The following KAT2B variants were observed in gnomAD, a reference collection of about 807,000 sequenced individuals.
KAT2B encodes the protein histone acetyltransferase KAT2B.
KAT2B carries 36 observed loss-of-function variants against 105.9 expected under a neutral mutation model. The ratio of observed to expected loss-of-function variants is 0.34; its 90% CI spans 0.26 to 0.45. The LOEUF (loss-of-function observed/expected upper bound fraction) is 0.45, where lower values mean the gene tolerates loss of function less well. KAT2B is among the 20% of genes least tolerant of loss of function. The probability of loss-of-function intolerance (pLI) is 1.00; values close to 1 mark genes in which losing one functional copy is unlikely to be tolerated. For synonymous variants in KAT2B, 397 were observed against 377.9 expected, an observed-to-expected ratio of 1.05 and a Z score of -0.59; for missense variants, 820 against 1,021.6, an observed-to-expected ratio of 0.80 and a Z score of 2.69.
At chr3:20,120,355 G>T (rs1201785250) in intron 8 of KAT2B, among the ~76,000 whole-genome samples, 1 of 152,082 alleles carries the variant, frequency 6.6e-6, no homozygotes, top group East Asian at 1.9e-4. Context: ...AGTCTCCTGA[G>T]TAGCTGGGAT....
intron 6 of KAT2B, 62 bp from the exon 7 acceptor site, chr3:20,114,820 T>C (rs1699177963): frequency 2.3e-6 from 2 of 852,106 alleles, no homozygotes. Context: ...TCACAGATAA[T>C]TAGGGCTGTT....
At position 20,106,979 on chromosome 3, in the gene KAT2B, G is replaced by GTATATA. The variant is rs869172127; in HGVS notation, c.852-4585_852-4580dup. 3.6e-3 allele frequency among the ~76,000 whole-genome samples: 122 copies of GTATATA among 33,474 alleles called. 3 individuals are homozygous for GTATATA. Among genetic ancestry groups the GTATATA allele is most frequent in the Non-Finnish European group, 5.3e-3 (97 of 18,414 alleles). 22.0% of individuals were successfully genotyped at this position (33,474 alleles called of 152,430 possible). ...TTTATGTGTATATATATATATATAT[G>GTATATA]TATATATATATATATATATATATAT... On this transcript the variant is annotated intron_variant, in intron 5 of 17. Coordinates refer to ENST00000263754, the MANE Select transcript of KAT2B (RefSeq NM_003884.5).
chr3:20,097,147 C>T (rs570264235), intron 3 of KAT2B, among the ~76,000 whole-genome samples: 45 of 152,232 alleles, frequency 3.0e-4, no homozygotes, highest in Non-Finnish European at 5.6e-4. Flanking sequence ...GGAAAAAGAT[C>T]TTAGTTGAAG....
intron 1 of KAT2B, among the ~76,000 whole-genome samples, chr3:20,059,058 G>T (rs1459112719): frequency 6.6e-6 from 1 of 152,138 alleles, no homozygotes; most frequent in Non-Finnish European, 1.5e-5. Context: ...TTTCCAAAGA[G>T]AAAACTTCTG....
At chr3:20,047,711 C>G (rs1697839717) in intron 1 of KAT2B, among the ~76,000 whole-genome samples, 1 of 149,026 alleles carries the variant, frequency 6.7e-6, no homozygotes, top group African/African-American at 2.5e-5. Flanking sequence ...CTCCCGGGTT[C>G]AAGCAATTTG....
At position 20,148,397 on chromosome 3, in the gene KAT2B, C is replaced by A; in HGVS notation, c.2221-6C>A. 1 of 1,609,844 alleles carries A rather than the reference C, an allele frequency of 6.2e-7. No individual in the cohort carries two copies. Among genetic ancestry groups the A allele is most frequent in the Non-Finnish European group, 8.5e-7 (1 of 1,178,452 alleles). The stretch of plus-strand genomic sequence containing the variant: ...ATTAGATACCTTACTTTTTTCTTTA[C>A]CCAAGAGCCATCAAAGCGCTTGGCC... On this transcript the variant is annotated splice_region_variant and splice_polypyrimidine_tract_variant and intron_variant, in intron 16 of 17. Transcript: ENST00000263754.
In KAT2B at chr3:20,101,419, C is replaced by T; in HGVS notation, c.802C>T (p.Leu268=). Reference sequence around the variant, plus strand: ...TCTGGAGGCACCATCTCAACGAAGACTGCGATCTCCCAATGATGATATTTC... The same window carrying T: ...TCTGGAGGCACCATCTCAACGAAGATTGCGATCTCCCAATGATGATATTTC... ...WHLEAPSQRR[L]RSPNDDISGY... Residue 268 remains leucine (L), a synonymous_variant, in exon 5 of 18, where the codon CTG becomes TTG. Coordinates refer to ENST00000263754, the MANE Select transcript of KAT2B (RefSeq NM_003884.5). 6.2e-7 allele frequency: 1 copy of T among 1,614,128 alleles called. No homozygotes were observed. The highest frequency in any genetic ancestry group is 8.5e-7 in the Non-Finnish European group (1 of 1,179,960).
Position 20,148,398 on chromosome 3 carries a change from C to T in KAT2B, c.2221-5C>T. On this transcript the variant is annotated splice_region_variant and splice_polypyrimidine_tract_variant and intron_variant, in intron 16 of 17. Transcript: ENST00000263754. ...TTAGATACCTTACTTTTTTCTTTAC[C>T]CAAGAGCCATCAAAGCGCTTGGCCC... 6.2e-7 allele frequency: 1 copy of T among 1,609,766 alleles called. No individual in the cohort carries two copies. Among genetic ancestry groups the T allele is most frequent in the Non-Finnish European group, 8.5e-7 (1 of 1,178,544 alleles).
At chr3:20,099,161 A>G (rs1698863365) in intron 3 of KAT2B, among the ~76,000 whole-genome samples, 1 of 152,166 alleles carries the variant, frequency 6.6e-6, no homozygotes, top group Non-Finnish European at 1.5e-5. Context: ...TGAGAGCTTT[A>G]AATTCCAGTG....
intron 1 of KAT2B, among the ~76,000 whole-genome samples, chr3:20,067,847 G>T (rs1467570290): frequency 1.3e-5 from 2 of 151,124 alleles, no homozygotes; most frequent in East Asian, 2.0e-4. Flanking sequence ...GCTAATTTTT[G>T]TATTTTTAAT....
chr3:20,065,301 A>G (rs867419009), intron 1 of KAT2B, among the ~76,000 whole-genome samples: 29 of 152,058 alleles, frequency 1.9e-4, no homozygotes, highest in Middle Eastern at 6.8e-3. Context: ...TTGGCAGTGC[A>G]CTCCCTAAAA....
rs1219125723 is a variant in KAT2B, at chr3:20,079,790, C to G, written c.430+7331C>G. 3.3e-5 allele frequency among the ~76,000 whole-genome samples: 5 copies of G among 152,188 alleles called. No individual in the cohort carries two copies. In the East Asian group the frequency reaches 9.6e-4, roughly 29 times the overall value. On this transcript the variant is annotated intron_variant, in intron 2 of 17. Transcript: ENST00000263754. Reference sequence around the variant, plus strand: ...CCAGCTAGCACAATGACACAGCCTCCTGAATTGAGCCAGCATATTCCTCTT... The same window carrying G: ...CCAGCTAGCACAATGACACAGCCTCGTGAATTGAGCCAGCATATTCCTCTT...
chr3:20,140,460 A>C, intron 13 of KAT2B, 96 bp downstream of exon 13: 1 of 1,244,002 alleles, frequency 8.0e-7, no homozygotes, highest in Non-Finnish European at 1.1e-6. Context: ...TGTTTACTGG[A>C]TAGCAAACTC....
chr3:20,086,764 A>G (rs1414839696), intron 2 of KAT2B, among the ~76,000 whole-genome samples: 3 of 151,832 alleles, frequency 2.0e-5, no homozygotes, highest in Non-Finnish European at 4.4e-5. Flanking sequence ...GTCTTCCTCT[A>G]GGACATTTGT....
Position 20,119,637 on chromosome 3 carries a change from A to G in KAT2B, c.1190A>G (p.Asn397Ser). ...PPPVAGTISY[N>S]STSSSLEQPN... Reference sequence around the variant, plus strand: ...CCTGTGGCTGGGACAATTTCATACAATTCAACCTCATCTTCCCTTGAGCAG... The same window carrying G: ...CCTGTGGCTGGGACAATTTCATACAGTTCAACCTCATCTTCCCTTGAGCAG... The change falls in exon 8 of 18, where the codon AAT becomes AGT. Residue 397 changes from asparagine (N) to serine (S), a missense_variant. Physicochemically the swap from Asn to Ser is conservative, Grantham distance 46 (BLOSUM62 1). This residue lies in a region of KAT2B where 225 missense variants were observed against 268.1 expected (regional missense o/e 0.84). Transcript: ENST00000263754. 6.2e-7 allele frequency: 1 copy of G among 1,614,042 alleles called. No individual in the cohort carries two copies.
At chr3:20,112,253 A>T (rs1699135381) in intron 6 of KAT2B, among the ~76,000 whole-genome samples, 2 of 145,402 alleles carry the variant, frequency 1.4e-5, no homozygotes, top group South Asian at 2.3e-4. Flanking sequence ...ACTTGCCCCC[A>T]CTCTTTGGAA....
chr3:20,058,054 G>T (rs1008961340), intron 1 of KAT2B, among the ~76,000 whole-genome samples: 7 of 151,996 alleles, frequency 4.6e-5, no homozygotes, highest in Admixed American at 6.6e-5. Context: ...TTTTGTCTTG[G>T]GTCATTTCCT....
chr3:20,068,267 A>G (rs1042921729), intron 1 of KAT2B, among the ~76,000 whole-genome samples: 8 of 151,780 alleles, frequency 5.3e-5, no homozygotes, highest in African/African-American at 1.9e-4. Flanking sequence ...AAGTGCTGCA[A>G]TTATAGGTGT....
chr3:20,064,976 G>A (rs1239291124), intron 1 of KAT2B, among the ~76,000 whole-genome samples: 2 of 152,126 alleles, frequency 1.3e-5, no homozygotes, highest in African/African-American at 4.8e-5. Flanking sequence ...TTAACACTGC[G>A]TGAACTGTGA....
Sources: gnomAD v4.1 joint callset for allele counts (sites outside exome capture counted in the v4.1 genomes callset) on GRCh38, gnomAD v4.1.1 for gene constraint, gnomAD v4.1.1 regional missense constraint, MANE v1.5 for transcripts, NCBI Gene and HGNC (gene_info 2026-07-23, HGNC 2026-07-21) for gene names.